The following ZCCHC14 variants were observed in gnomAD, a reference collection of about 807,000 sequenced individuals.
ZCCHC14 encodes the protein zinc finger CCHC domain-containing protein 14.
ZCCHC14 carries 16 observed loss-of-function variants against 85.0 expected under a neutral mutation model. The ratio of observed to expected loss-of-function variants is 0.19; its 90% CI spans 0.13 to 0.29. ZCCHC14 has a LOEUF of 0.29. ZCCHC14 is among the 10% of genes least tolerant of loss of function. The pLI, the probability that ZCCHC14 is intolerant of heterozygous loss-of-function variation, is 1.00. For missense variants in ZCCHC14, 1,303 were observed against 1,443.5 expected, an observed-to-expected ratio of 0.90 and a Z score of 1.58; for synonymous variants, 775 against 630.7, an observed-to-expected ratio of 1.23 and a Z score of -3.43.
chr16:87,419,936 A>G, intron 5 of ZCCHC14, 59 bp from the exon 6 acceptor site: 1 of 1,455,272 alleles, frequency 6.9e-7, no homozygotes, highest in African/African-American at 1.4e-5. Context: ...TGACGAATTG[A>G]AAGAAAAAAA....
rs1312806352 is a variant in ZCCHC14 at position 87,413,842 on chromosome 16, C to G, written c.1603+572G>C. On this transcript the variant is annotated intron_variant, in intron 10 of 12. Transcript: ENST00000671377. ...GGTGGGGGGTGGGCGCAGGCTACTCCCATCTCATTTCTGCTCACCCCCACG... is the reference window on the plus strand; with the variant it reads ...GGTGGGGGGTGGGCGCAGGCTACTCGCATCTCATTTCTGCTCACCCCCACG... Among the ~76,000 whole-genome samples the G allele has an allele frequency of 2.6e-5, 4 of 152,188 alleles. No individual in the cohort carries two copies. The East Asian group carries it at 7.7e-4, about 29-fold the overall frequency.
chr16:87,429,003 G>A (rs1247409161), intron 3 of ZCCHC14, among the ~76,000 whole-genome samples: 1 of 152,230 alleles, frequency 6.6e-6, no homozygotes, highest in Non-Finnish European at 1.5e-5. Flanking sequence ...TACAAACAAA[G>A]CTGCTATAAA....
intron 2 of ZCCHC14, among the ~76,000 whole-genome samples, chr16:87,450,972 C>T (rs576070604): frequency 6.6e-6 from 1 of 152,276 alleles, no homozygotes; most frequent in East Asian, 1.9e-4. Context: ...GATCTTGCCT[C>T]ACAACAACCT....
intron 2 of ZCCHC14, among the ~76,000 whole-genome samples, chr16:87,442,431 G>A (rs1303630468): frequency 6.6e-6 from 1 of 152,182 alleles, no homozygotes; most frequent in Admixed American, 6.5e-5. Flanking sequence ...CACTGAGATG[G>A]CACAGATGCT....
chr16:87,485,803 T>A (rs576778213), intron 1 of ZCCHC14, among the ~76,000 whole-genome samples: 1 of 152,150 alleles, frequency 6.6e-6, no homozygotes, highest in African/African-American at 2.4e-5. Flanking sequence ...TGTAGATTTG[T>A]TGGAAAAGCA....
chr16:87,428,032 C>G (rs549263097), intron 3 of ZCCHC14, among the ~76,000 whole-genome samples: 1 of 151,404 alleles, frequency 6.6e-6, no homozygotes, highest in Admixed American at 6.6e-5. Context: ...CCTGCCTCAG[C>G]TGCCTACATG....
intron 2 of ZCCHC14, among the ~76,000 whole-genome samples, chr16:87,459,385 C>T (rs553996118): frequency 1.0e-3 from 152 of 151,922 alleles, no homozygotes; most frequent in African/African-American, 3.3e-3. Flanking sequence ...CACTCTGTCA[C>T]CCAGACTGGA....
At chr16:87,447,712 A>G (rs1298273655) in intron 2 of ZCCHC14, among the ~76,000 whole-genome samples, 1 of 152,194 alleles carries the variant, frequency 6.6e-6, no homozygotes, top group African/African-American at 2.4e-5. Flanking sequence ...TTTCTTTGGG[A>G]TAAATTCCCT....
At chr16:87,490,844 G>A (rs1912722745) in intron 1 of ZCCHC14, among the ~76,000 whole-genome samples, 1 of 152,182 alleles carries the variant, frequency 6.6e-6, no homozygotes, top group Non-Finnish European at 1.5e-5. Context: ...TGCGACACAC[G>A]CGTACATCAT....
At chr16:87,455,292 C>A (rs35726809) in intron 2 of ZCCHC14, among the ~76,000 whole-genome samples, 51,527 of 148,530 alleles carry the variant, frequency 0.35, 9,759 homozygotes, top group South Asian at 0.71. Context: ...CCGTCCCCCC[C>A]CGCCCCCGCA....
chr16:87,423,627 G>A (rs555426914), intron 4 of ZCCHC14, among the ~76,000 whole-genome samples, 183 bp downstream of exon 4: 8 of 152,362 alleles, frequency 5.3e-5, no homozygotes, highest in African/African-American at 1.7e-4. Context: ...ACGGACCTGT[G>A]CTCGCAGCAA....
chr16:87,408,643 A>G lies in ZCCHC14; in HGVS notation c.*1637T>C, dbSNP rs1426713351. ...CATTGCATAGAAATAAAATTCAACT[A>G]AAATAAAACTAAAAAATTCTACTAA... On this transcript the variant is annotated 3_prime_UTR_variant, in exon 13 of 13. Coordinates refer to ENST00000671377, the MANE Select transcript of ZCCHC14 (RefSeq NM_015144.3). 1.3e-5 allele frequency: 2 copies of G among 152,724 alleles called. No individual in the cohort carries two copies. The highest frequency in any genetic ancestry group is 1.9e-4 in the East Asian group (1 of 5,192). The allele number at this position is 152,724 out of a possible 1,614,324, so 9.5% of individuals were successfully genotyped here.
intron 5 of ZCCHC14, 103 bp from the exon 6 acceptor site, chr16:87,419,980 G>A (rs1909007421): frequency 1.0e-6 from 1 of 952,520 alleles, no homozygotes; most frequent in Admixed American, 3.1e-5. Context: ...GTGTATTAGA[G>A]GAAAAAAGCC....
At chr16:87,441,030 G>C (rs1435723937) in intron 2 of ZCCHC14, among the ~76,000 whole-genome samples, 1 of 148,682 alleles carries the variant, frequency 6.7e-6, no homozygotes, top group Admixed American at 6.7e-5. Context: ...TGGAGATAGA[G>C]TTTCGCTCTG....
intron 2 of ZCCHC14, among the ~76,000 whole-genome samples, chr16:87,451,265 C>G (rs1165772691): frequency 6.7e-6 from 1 of 149,374 alleles, no homozygotes; most frequent in Admixed American, 6.7e-5. Context: ...GGCATGATCC[C>G]AGCTCACTGC....
At chr16:87,458,843 T>G (rs8050237) in intron 2 of ZCCHC14, among the ~76,000 whole-genome samples, 98,154 of 152,060 alleles carry the variant, frequency 0.65, 34,965 homozygotes, top group South Asian at 0.82. Flanking sequence ...ACAGCCGGCC[T>G]CGGTACCTCT....
intron 1 of ZCCHC14, chr16:87,473,101 G>C (rs2150769886): frequency 6.6e-6 from 1 of 152,318 alleles, no homozygotes; most frequent in Non-Finnish European, 1.5e-5. Flanking sequence ...GCTGCAGCCA[G>C]CACCCTCTCC....
intron 2 of ZCCHC14, among the ~76,000 whole-genome samples, chr16:87,443,363 T>C (rs1910277504): frequency 6.6e-6 from 1 of 152,152 alleles, no homozygotes; most frequent in Non-Finnish European, 1.5e-5. Context: ...GGCAGCTTTT[T>C]ATCAATGCAG....
intron 8 of ZCCHC14, among the ~76,000 whole-genome samples, chr16:87,416,117 G>C (rs923158547): frequency 6.6e-6 from 1 of 151,946 alleles, no homozygotes; most frequent in African/African-American, 2.4e-5. Flanking sequence ...GTAGAGACGG[G>C]GTTTCACCAT....
Sources: gnomAD v4.1 joint callset for allele counts (sites outside exome capture counted in the v4.1 genomes callset) on GRCh38, gnomAD v4.1.1 for gene constraint, MANE v1.5 for transcripts, NCBI Gene and HGNC (gene_info 2026-07-23, HGNC 2026-07-21) for gene names.